ASTN1: variants seen among roughly 807,000 people sequenced by gnomAD.
ASTN1 encodes the protein astrotactin-1.
In ASTN1, 41 loss-of-function variants were observed where a neutral mutation model predicts 140.7. The observed-to-expected ratio is 0.29, with a 90% CI of 0.23 to 0.38. ASTN1 has a LOEUF of 0.38. Ranked by LOEUF, ASTN1 falls within the 10% of genes least tolerant of loss-of-function variation. The pLI, the probability that ASTN1 is intolerant of heterozygous loss-of-function variation, is 1.00. For synonymous variants in ASTN1, 640 were observed against 652.2 expected, an observed-to-expected ratio of 0.98 and a Z score of 0.29; for missense variants, 1,479 against 1,678.8, an observed-to-expected ratio of 0.88 and a Z score of 2.08.
At chr1:177,015,033 C>A (rs551173397) in intron 7 of ASTN1, among the ~76,000 whole-genome samples, 158 bp from the exon 8 acceptor site, 28 of 152,268 alleles carry the variant, frequency 1.8e-4, no homozygotes, top group Admixed American at 1.6e-3. Flanking sequence ...ACTCCCCTCT[C>A]CACCACTCAC....
chr1:176,892,747 G>T (rs1669319051), intron 17 of ASTN1, among the ~76,000 whole-genome samples: 1 of 152,170 alleles, frequency 6.6e-6, no homozygotes, highest in African/African-American at 2.4e-5. Context: ...AACACACATT[G>T]AATTATATTC....
At chr1:177,154,025 T>C (rs1354773388) in intron 1 of ASTN1, among the ~76,000 whole-genome samples, 2 of 152,182 alleles carry the variant, frequency 1.3e-5, no homozygotes, top group African/African-American at 4.8e-5. Context: ...AGTTTGGCAG[T>C]ATTTAGCCAA....
At chr1:177,143,552 C>T (rs1371948432) in intron 1 of ASTN1, among the ~76,000 whole-genome samples, 1 of 152,188 alleles carries the variant, frequency 6.6e-6, no homozygotes, top group Non-Finnish European at 1.5e-5. Context: ...TCCTAAATCA[C>T]ACATTTATGT....
chr1:176,896,138 T>C (rs1669493538), intron 16 of ASTN1, among the ~76,000 whole-genome samples: 1 of 152,202 alleles, frequency 6.6e-6, no homozygotes. Context: ...CTATGTAATA[T>C]GAGCCCATTT....
At chr1:177,133,574 G>T (rs1240804368) in intron 1 of ASTN1, among the ~76,000 whole-genome samples, 1 of 152,120 alleles carries the variant, frequency 6.6e-6, no homozygotes, top group African/African-American at 2.4e-5. Context: ...GTTATATCTT[G>T]TCATTAATAA....
chr1:177,139,323 T>C (rs932115780), intron 1 of ASTN1, among the ~76,000 whole-genome samples: 8 of 152,354 alleles, frequency 5.3e-5, no homozygotes, highest in African/African-American at 1.9e-4. Flanking sequence ...GGGATATCTA[T>C]GTGAGATAGG....
chr1:176,912,830 C>T (rs1456547910), intron 16 of ASTN1, among the ~76,000 whole-genome samples: 1 of 152,156 alleles, frequency 6.6e-6, no homozygotes, highest in African/African-American at 2.4e-5. Flanking sequence ...ATAGCAAGCT[C>T]ATTTTAGATC....
intron 1 of ASTN1, among the ~76,000 whole-genome samples, chr1:177,117,596 G>A (rs981076238): frequency 1.3e-5 from 2 of 152,184 alleles, no homozygotes; most frequent in African/African-American, 4.8e-5. Flanking sequence ...AGCATCATCA[G>A]TGATTGCTCA....
intron 8 of ASTN1, among the ~76,000 whole-genome samples, chr1:176,988,357 G>A (rs1452504539): frequency 1.3e-5 from 2 of 148,958 alleles, no homozygotes; most frequent in Non-Finnish European, 3.0e-5. Context: ...ATCCCCAAAT[G>A]TTTGAACTTT....
At chr1:177,057,123 G>A (rs548980136) in intron 2 of ASTN1, among the ~76,000 whole-genome samples, 1 of 152,274 alleles carries the variant, frequency 6.6e-6, no homozygotes, top group Admixed American at 6.5e-5. Context: ...GATTTCAGAA[G>A]GGAAATCCAA....
chr1:177,106,277 T>C (rs1047243920), intron 1 of ASTN1, among the ~76,000 whole-genome samples: 2 of 152,226 alleles, frequency 1.3e-5, no homozygotes, highest in African/African-American at 4.8e-5. Flanking sequence ...TCCCAGTTGA[T>C]GATGACACAA....
At chr1:177,006,196 G>A (rs1674985128) in intron 8 of ASTN1, among the ~76,000 whole-genome samples, 1 of 152,112 alleles carries the variant, frequency 6.6e-6, no homozygotes, top group Non-Finnish European at 1.5e-5. Flanking sequence ...GAAAAATAAT[G>A]TATCACAAAC....
At chr1:176,906,441 T>A (rs1670003160) in intron 16 of ASTN1, among the ~76,000 whole-genome samples, 2 of 152,124 alleles carry the variant, frequency 1.3e-5, no homozygotes, top group Non-Finnish European at 2.9e-5. Context: ...AAATAAGAAA[T>A]AATGCTCATT....
At chr1:177,128,044 T>C (rs760865814) in intron 1 of ASTN1, among the ~76,000 whole-genome samples, 2 of 152,194 alleles carry the variant, frequency 1.3e-5, no homozygotes, top group Non-Finnish European at 2.9e-5. Flanking sequence ...TTCCATTAAC[T>C]AGCAGAAGTG....
intron 21 of ASTN1, among the ~76,000 whole-genome samples, chr1:176,869,676 AT>A: frequency 6.6e-6 from 1 of 152,288 alleles, no homozygotes; most frequent in East Asian, 1.9e-4. Flanking sequence ...GAAGGAAAGA[AT>A]TTATCTCCAG....
intron 8 of ASTN1, among the ~76,000 whole-genome samples, chr1:176,981,080 C>T (rs1448652148): frequency 2.6e-5 from 4 of 151,372 alleles, no homozygotes; most frequent in Non-Finnish European, 5.9e-5. Flanking sequence ...GGCGTGGTAC[C>T]AGGTGCCTGT....
chr1:176,940,675 G>C (rs1671676646), intron 14 of ASTN1, among the ~76,000 whole-genome samples: 1 of 152,050 alleles, frequency 6.6e-6, no homozygotes, highest in Non-Finnish European at 1.5e-5. Flanking sequence ...TTATTTGCTT[G>C]GTCTTTGTTT....
At chr1:177,115,260 T>G (rs979585060) in intron 1 of ASTN1, among the ~76,000 whole-genome samples, 15 of 152,102 alleles carry the variant, frequency 9.9e-5, no homozygotes, top group African/African-American at 3.6e-4. Flanking sequence ...GGTTATAAAA[T>G]TAGCCCCCTC....
At chr1:177,153,354 A>G (rs1683118887) in intron 1 of ASTN1, among the ~76,000 whole-genome samples, 1 of 152,102 alleles carries the variant, frequency 6.6e-6, no homozygotes, top group Non-Finnish European at 1.5e-5. Flanking sequence ...GCAGATACCC[A>G]ATCTTGAACT....
Sources: gnomAD v4.1 joint callset for allele counts (sites outside exome capture counted in the v4.1 genomes callset) on GRCh38, gnomAD v4.1.1 for gene constraint, MANE v1.5 for transcripts, NCBI Gene and HGNC (gene_info 2026-07-23, HGNC 2026-07-21) for gene names.